KCNJ15: variants seen among roughly 807,000 people sequenced by gnomAD.
KCNJ15 encodes ATP-sensitive inward rectifier potassium channel 15.
KCNJ15 carries 14 observed loss-of-function variants against 23.0 expected under a neutral mutation model. The observed-to-expected ratio is 0.61, with a 90% confidence interval of 0.40 to 0.95. The LOEUF (loss-of-function observed/expected upper bound fraction) is 0.95. KCNJ15 is among the 40% of genes least tolerant of loss of function. KCNJ15 has a pLI of 0.00. For synonymous variants in KCNJ15, 185 were observed against 183.2 expected, an observed-to-expected ratio of 1.01 and a Z score of -0.08; for missense variants, 388 against 461.8, an observed-to-expected ratio of 0.84 and a Z score of 1.46.
chr21:38,234,244 A>G (rs1367153997), intron 1 of KCNJ15, among the ~76,000 whole-genome samples: 1 of 152,224 alleles, frequency 6.6e-6, no homozygotes, highest in Non-Finnish European at 1.5e-5. Context: ...ACACAAATTC[A>G]TAAACTTTCT....
At chr21:38,298,592 A>C (rs954053152) in intron 2 of KCNJ15, among the ~76,000 whole-genome samples, 2 of 152,214 alleles carry the variant, frequency 1.3e-5, no homozygotes, top group African/African-American at 4.8e-5. Context: ...TCATTAGATT[A>C]GGGGGAAAAC....
At chr21:38,280,333 A>G (rs1169836358) in intron 1 of KCNJ15, among the ~76,000 whole-genome samples, 1 of 152,202 alleles carries the variant, frequency 6.6e-6, no homozygotes, top group African/African-American at 2.4e-5. Flanking sequence ...TTTGGAAGTC[A>G]TAATAGGGCA....
intron 1 of KCNJ15, chr21:38,237,299 A>G (rs943406095): frequency 6.6e-6 from 1 of 152,238 alleles, no homozygotes; most frequent in Non-Finnish European, 1.5e-5. Context: ...CTTGGCGTTT[A>G]TTGTGGGTAG....
At chr21:38,245,031 T>C (rs1023687348) in intron 1 of KCNJ15, among the ~76,000 whole-genome samples, 2 of 152,042 alleles carry the variant, frequency 1.3e-5, no homozygotes, top group African/African-American at 4.8e-5. Context: ...GGCTAGTGAC[T>C]CATTCATGAT....
chr21:38,268,586 G>T (rs966136946), intron 1 of KCNJ15, among the ~76,000 whole-genome samples: 1 of 148,336 alleles, frequency 6.7e-6, no homozygotes, highest in African/African-American at 2.5e-5. Flanking sequence ...AAGAAAGTGG[G>T]AGGAGAGTGA....
At chr21:38,284,323 AC>A (rs2123687804) in intron 1 of KCNJ15, among the ~76,000 whole-genome samples, 1 of 152,174 alleles carries the variant, frequency 6.6e-6, no homozygotes, top group African/African-American at 2.4e-5. Context: ...GCCTCCGCCC[AC>A]CCCAACACAC....
intron 1 of KCNJ15, among the ~76,000 whole-genome samples, chr21:38,248,800 G>A (rs948795596): frequency 6.6e-6 from 1 of 152,156 alleles, no homozygotes; most frequent in African/African-American, 2.4e-5. Flanking sequence ...AGCAGGAAGA[G>A]GACCTTGATG....
intron 1 of KCNJ15, among the ~76,000 whole-genome samples, chr21:38,287,571 A>C (rs1984049336): frequency 6.6e-6 from 1 of 152,234 alleles, no homozygotes; most frequent in Non-Finnish European, 1.5e-5. Context: ...CAAATATAGC[A>C]TGTGACAGGC....
intron 1 of KCNJ15, among the ~76,000 whole-genome samples, chr21:38,241,129 G>C (rs781579803): frequency 6.6e-6 from 1 of 152,212 alleles, no homozygotes; most frequent in Non-Finnish European, 1.5e-5. Context: ...AATAGCCCTG[G>C]ACAGCCCATG....
rs139033063 is a variant in KCNJ15, at chr21:38,282,710, C to G, written c.-116-14216C>G. On this transcript the variant is annotated intron_variant, in intron 1 of 2. Coordinates refer to ENST00000398938, the MANE Select transcript of KCNJ15 (RefSeq NM_170736.3). ...CCCCTTGAATGGCATCTCTGCCCAC[C>G]GTGTGCCTCCCTTAAACATTAAGTT... 2.9e-3 allele frequency among the ~76,000 whole-genome samples: 439 copies of G among 152,220 alleles called. 4 individuals carry two copies. In the South Asian group the frequency reaches 0.039, roughly 14 times the overall value.
chr21:38,230,897 T>A (rs943473847), intron 1 of KCNJ15, among the ~76,000 whole-genome samples: 1 of 152,104 alleles, frequency 6.6e-6, no homozygotes, highest in African/African-American at 2.4e-5. Flanking sequence ...TTTTGGCTAC[T>A]CTAGTTCCTT....
Position 38,245,717 on chromosome 21 carries a change from G to GAA in KCNJ15, c.-398-11328_-398-11327insAA, listed in dbSNP as rs1384384812. 6.9e-5 allele frequency among the ~76,000 whole-genome samples: 10 copies of GAA among 145,058 alleles called. No homozygotes were observed. In the East Asian group the frequency reaches 1.8e-3, roughly 25 times the overall value. ...GAAAGAAGGAAAGGAAAGAAAGAAAGAGAGAGAAAGAGAAAGGAAGGAAGG... is the reference window on the plus strand; with the variant it reads ...GAAAGAAGGAAAGGAAAGAAAGAAAGAAAGAGAGAAAGAGAAAGGAAGGAAGG... On this transcript the variant is annotated intron_variant, in intron 1 of 4. Coordinates refer to the KCNJ15 transcript ENST00000547341.
intron 1 of KCNJ15, among the ~76,000 whole-genome samples, chr21:38,232,356 G>A (rs1978334093): frequency 6.6e-6 from 1 of 151,562 alleles, no homozygotes; most frequent in Admixed American, 6.6e-5. Context: ...AGTCAATCAA[G>A]CTGAAATTTG....
intron 1 of KCNJ15, among the ~76,000 whole-genome samples, chr21:38,292,601 A>G (rs1984716874): frequency 1.3e-5 from 2 of 152,178 alleles, no homozygotes; most frequent in African/African-American, 4.8e-5. Context: ...TGCCATTACA[A>G]TCTTGTTGAA....
At chr21:38,264,346 G>T (rs1418835716) in intron 1 of KCNJ15, among the ~76,000 whole-genome samples, 1 of 152,202 alleles carries the variant, frequency 6.6e-6, no homozygotes, top group African/African-American at 2.4e-5. Context: ...GGTCCATCAG[G>T]CCTGGGCTGG....
In KCNJ15 at chr21:38,300,432, A is replaced by G. The variant is rs762941777; in HGVS notation, c.*43A>G. On this transcript the variant is annotated 3_prime_UTR_variant, in exon 3 of 3. Transcript: ENST00000398938. The stretch of plus-strand genomic sequence containing the variant: ...AGGTTTAACCCTGCAAGCTGTTTCC[A>G]CATCAGAACTCCCTTCAAACACAAA... 2 of 1,514,940 alleles carry G rather than the reference A, an allele frequency of 1.3e-6. No homozygotes were observed. Among genetic ancestry groups the G allele is most frequent in the South Asian group, 1.3e-5 (1 of 77,360 alleles). The allele number at this position is 1,514,940 out of a possible 1,614,324, so 93.8% of individuals were successfully genotyped here.
At chr21:38,233,422 G>A in intron 1 of KCNJ15, among the ~76,000 whole-genome samples, 1 of 151,922 alleles carries the variant, frequency 6.6e-6, no homozygotes, top group East Asian at 1.9e-4. Context: ...CATTCACATT[G>A]CATAATTATT....
rs1985230377 is a variant in KCNJ15, at chr21:38,296,989, G to T, written c.-53G>T. On this transcript the variant is annotated 5_prime_UTR_variant, in exon 2 of 3. Transcript: ENST00000398938. ...GGAGCGAGGACGTTCTACCTGCCTT[G>T]AAGAAGACACCTGACCTGCGGAGTG... 6.5e-6 allele frequency: 1 copy of T among 152,706 alleles called. No individual in the cohort carries two copies. The highest frequency in any genetic ancestry group is 6.6e-5 in the Admixed American group (1 of 15,266). The allele number at this position is 152,706 out of a possible 1,614,324, so 9.5% of individuals were successfully genotyped here. A position where few individuals can be genotyped will look rare whatever the true frequency, so the allele number is the denominator to read the frequency against.
At chr21:38,271,922 G>A (rs772083987) in intron 1 of KCNJ15, among the ~76,000 whole-genome samples, 5 of 152,170 alleles carry the variant, frequency 3.3e-5, no homozygotes, top group African/African-American at 9.7e-5. Flanking sequence ...TTTCTCCACC[G>A]TTAGAGGCTG....
Sources: allele counts gnomAD v4.1 joint callset (sites outside exome capture counted in the v4.1 genomes callset), GRCh38; gene constraint gnomAD v4.1.1; transcripts MANE v1.5; gene names NCBI Gene and HGNC (gene_info 2026-07-23, HGNC 2026-07-21).